CNTNAP2: variants seen among roughly 807,000 people sequenced by gnomAD.
The protein encoded by CNTNAP2 is contactin-associated protein-like 2.
A neutral mutation model predicts 155.2 loss-of-function variants in CNTNAP2; 98 were observed. The observed-to-expected ratio is 0.63, with a 90% CI of 0.54 to 0.75. The LOEUF (loss-of-function observed/expected upper bound fraction) is 0.75, where lower values mean the gene tolerates loss of function less well. CNTNAP2 is among the 30% of genes least tolerant of loss of function. The pLI is 0.00. For missense variants in CNTNAP2, 1,727 were observed against 1,688.1 expected (o/e 1.02, Z -0.40); for synonymous variants, 651 against 631.2 (o/e 1.03, Z -0.47).
chr7:147,348,014 A>G (rs1290488530), intron 9 of CNTNAP2, among the ~76,000 whole-genome samples: 1 of 152,034 alleles, frequency 6.6e-6, no homozygotes, highest in Non-Finnish European at 1.5e-5. Flanking sequence ...CACCTCACAC[A>G]TAATCAACTC....
At chr7:147,198,636 A>C (rs1418148879) in intron 8 of CNTNAP2, among the ~76,000 whole-genome samples, 1 of 152,200 alleles carries the variant, frequency 6.6e-6, no homozygotes, top group Non-Finnish European at 1.5e-5. Context: ...TTGTTTACCA[A>C]ACGAACTTTA....
intron 21 of CNTNAP2, among the ~76,000 whole-genome samples, chr7:148,295,664 T>C (rs530784846): frequency 5.7e-4 from 84 of 148,380 alleles, no homozygotes; most frequent in African/African-American, 2.0e-3. Flanking sequence ...GCTAATTTTT[T>C]GTATTTTTAG....
chr7:147,864,869 C>A (rs139250224), intron 13 of CNTNAP2, among the ~76,000 whole-genome samples: 1 of 152,162 alleles, frequency 6.6e-6, no homozygotes, highest in African/African-American at 2.4e-5. Flanking sequence ...ATGTCATCTG[C>A]AAACAGGGAC....
At chr7:146,180,500 A>C (rs1798534903) in intron 1 of CNTNAP2, among the ~76,000 whole-genome samples, 1 of 152,106 alleles carries the variant, frequency 6.6e-6, no homozygotes, top group Non-Finnish European at 1.5e-5. Context: ...TAAATTTTTA[A>C]ATTCCCAGTA....
At chr7:146,450,551 T>A (rs1796464138) in intron 1 of CNTNAP2, among the ~76,000 whole-genome samples, 1 of 152,196 alleles carries the variant, frequency 6.6e-6, no homozygotes, top group African/African-American at 2.4e-5. Flanking sequence ...CGAAACAGAC[T>A]TCTAAGAGCA....
At chr7:146,989,702 A>G (rs1005239339) in intron 3 of CNTNAP2, among the ~76,000 whole-genome samples, 1 of 152,140 alleles carries the variant, frequency 6.6e-6, no homozygotes, top group African/African-American at 2.4e-5. Context: ...AATCAGATCT[A>G]TCCAATCCAT....
At chr7:147,207,365 T>C (rs1220663675) in intron 8 of CNTNAP2, among the ~76,000 whole-genome samples, 1 of 152,188 alleles carries the variant, frequency 6.6e-6, no homozygotes, top group Admixed American at 6.5e-5. Context: ...TCATTAAATA[T>C]CCTATTCTGC....
intron 12 of CNTNAP2, among the ~76,000 whole-genome samples, chr7:147,617,495 T>C (rs1038159424): frequency 5.3e-5 from 8 of 152,160 alleles, no homozygotes; most frequent in African/African-American, 1.7e-4. Context: ...GGCTATACAT[T>C]GTTGCCATTT....
At chr7:148,167,078 C>A (rs573601906) in intron 17 of CNTNAP2, among the ~76,000 whole-genome samples, 2 of 152,222 alleles carry the variant, frequency 1.3e-5, no homozygotes, top group Non-Finnish European at 2.9e-5. Context: ...CTTTATAGAG[C>A]GAGAAATGGC....
intron 1 of CNTNAP2, among the ~76,000 whole-genome samples, chr7:146,140,742 C>A (rs527809251): frequency 6.6e-6 from 1 of 151,784 alleles, no homozygotes; most frequent in African/African-American, 2.4e-5. Context: ...AACAACCATG[C>A]GAAGAAAGAA....
chr7:147,209,884 A>T (rs147198513), intron 8 of CNTNAP2, among the ~76,000 whole-genome samples: 4 of 152,132 alleles, frequency 2.6e-5, no homozygotes, highest in African/African-American at 9.6e-5. Context: ...GGTGAATCAC[A>T]TTTATCGACT....
At chr7:147,708,398 A>G (rs900579842) in intron 13 of CNTNAP2, among the ~76,000 whole-genome samples, 4 of 152,166 alleles carry the variant, frequency 2.6e-5, no homozygotes, top group Non-Finnish European at 4.4e-5. Context: ...AGGAATGTCA[A>G]TAGGACACCA....
intron 13 of CNTNAP2, among the ~76,000 whole-genome samples, chr7:147,800,440 A>G (rs989236230): frequency 3.9e-5 from 6 of 152,118 alleles, no homozygotes; most frequent in Non-Finnish European, 8.8e-5. Context: ...AAAGAGAATT[A>G]TAGAAAAGCA....
intron 11 of CNTNAP2, among the ~76,000 whole-genome samples, chr7:147,536,528 C>T (rs761809500): frequency 2.0e-5 from 3 of 152,140 alleles, no homozygotes; most frequent in Non-Finnish European, 2.9e-5. Flanking sequence ...CTGCCTTGTG[C>T]CCACTGGGAC....
intron 3 of CNTNAP2, among the ~76,000 whole-genome samples, chr7:146,907,426 A>G (rs1416152532): frequency 6.8e-6 from 1 of 147,506 alleles, no homozygotes; most frequent in Admixed American, 6.8e-5. Flanking sequence ...CTCAAAGGGA[A>G]GCCCATCAGA....
chr7:146,135,114 C>G (rs1281787461), intron 1 of CNTNAP2, among the ~76,000 whole-genome samples: 1 of 152,012 alleles, frequency 6.6e-6, no homozygotes, highest in Non-Finnish European at 1.5e-5. Context: ...ATCTATGGAC[C>G]ACACATTGAG....
intron 15 of CNTNAP2, among the ~76,000 whole-genome samples, chr7:148,071,477 T>TCA (rs765968234): frequency 3.9e-4 from 59 of 151,482 alleles, no homozygotes; most frequent in Admixed American, 1.1e-3. Context: ...AGACTCCATC[T>TCA]CACACACACA....
intron 13 of CNTNAP2, among the ~76,000 whole-genome samples, chr7:147,695,640 G>A (rs1251888737): frequency 2.6e-5 from 4 of 151,864 alleles, no homozygotes; most frequent in East Asian, 1.9e-4. Flanking sequence ...TGTCTGTACT[G>A]AAAATACAAA....
At chr7:146,912,372 C>G (rs1796301398) in intron 3 of CNTNAP2, among the ~76,000 whole-genome samples, 1 of 151,496 alleles carries the variant, frequency 6.6e-6, no homozygotes, top group Non-Finnish European at 1.5e-5. Context: ...ATAAAGTCAT[C>G]TATCAGTGTT....
Sources: gnomAD v4.1 joint callset for allele counts (sites outside exome capture counted in the v4.1 genomes callset) on GRCh38, gnomAD v4.1.1 for gene constraint, MANE v1.5 for transcripts, NCBI Gene and HGNC (gene_info 2026-07-23, HGNC 2026-07-21) for gene names.